Variants in GPHN observed in about 807,000 individuals in gnomAD.
GPHN encodes gephyrin.
In GPHN, 17 loss-of-function variants were observed where a neutral mutation model predicts 95.5. The observed-to-expected ratio is 0.18, with a 90% CI of 0.12 to 0.27. The LOEUF (loss-of-function observed/expected upper bound fraction) is 0.27. Among genes scored for constraint, GPHN ranks in the 10% least tolerant of loss-of-function variants. GPHN has a pLI of 1.00. For missense variants in GPHN, 660 were observed against 978.1 expected (o/e 0.67, Z 4.34); for synonymous variants, 320 against 322.5 (o/e 0.99, Z 0.08).
At chr14:67,244,825 A>G in the GPHN span, among the ~76,000 whole-genome samples, 1 of 152,222 alleles carries the variant, frequency 6.6e-6, no homozygotes, top group Non-Finnish European at 1.5e-5. Context: ...ACCTGTGAAT[A>G]TGTTTGCTTA....
chr14:67,209,383 TG>T, the GPHN span, among the ~76,000 whole-genome samples: 5 of 152,228 alleles, frequency 3.3e-5, no homozygotes, highest in African/African-American at 1.2e-4. Flanking sequence ...CAAGGCCATT[TG>T]AGCAGAGACC....
At chr14:66,774,063 G>A (rs932063933) in intron 2 of GPHN, among the ~76,000 whole-genome samples, 1 of 137,074 alleles carries the variant, frequency 7.3e-6, no homozygotes, top group Non-Finnish European at 1.5e-5. Flanking sequence ...GAGTGCAGTG[G>A]CTCAATCTCG....
the GPHN span, chr14:67,201,662 T>C: frequency 2.6e-6 from 1 of 391,700 alleles, no homozygotes; most frequent in Admixed American, 2.9e-5. Flanking sequence ...CAGGATTTAA[T>C]CCCTGAGCTG....
the GPHN span, among the ~76,000 whole-genome samples, chr14:67,638,211 A>G: frequency 2.0e-5 from 3 of 152,142 alleles, no homozygotes; most frequent in Non-Finnish European, 4.4e-5. Flanking sequence ...AACCTTACTT[A>G]AAATAATATT....
At chr14:67,583,324 A>T in the GPHN span, among the ~76,000 whole-genome samples, 1 of 152,216 alleles carries the variant, frequency 6.6e-6, no homozygotes, top group African/African-American at 2.4e-5. Flanking sequence ...GATCAGGGAC[A>T]CAAAGCTGGG....
chr14:67,673,215 G>A, the GPHN span, among the ~76,000 whole-genome samples: 2 of 152,086 alleles, frequency 1.3e-5, no homozygotes, highest in African/African-American at 2.4e-5. Context: ...GGGTGGTGGC[G>A]CAACTGTAAT....
chr14:67,709,006 T>C, the GPHN span, among the ~76,000 whole-genome samples: 1 of 152,198 alleles, frequency 6.6e-6, no homozygotes, highest in Non-Finnish European at 1.5e-5. Flanking sequence ...TTGGCCAGGA[T>C]GGTCTCGATC....
intron 1 of GPHN, among the ~76,000 whole-genome samples, chr14:66,534,260 G>A (rs2059052191): frequency 6.6e-6 from 1 of 152,110 alleles, no homozygotes; most frequent in African/African-American, 2.4e-5. Context: ...CACTCCAGAA[G>A]CCTCTCCTTC....
intron 1 of GPHN, among the ~76,000 whole-genome samples, chr14:66,676,670 G>GTTTTTT (rs1325206734): frequency 1.0e-5 from 1 of 100,298 alleles, no homozygotes; most frequent in Non-Finnish European, 1.8e-5. Context: ...CAATCGTAGT[G>GTTTTTT]TATTTTTTTT....
the GPHN span, among the ~76,000 whole-genome samples, chr14:67,317,138 TACAA>T: frequency 3.9e-5 from 6 of 152,220 alleles, no homozygotes; most frequent in Non-Finnish European, 7.3e-5. Flanking sequence ...ATAGTCTTTA[TACAA>T]ACAGTGTAAT....
chr14:67,407,467 G>T, the GPHN span, among the ~76,000 whole-genome samples: 1 of 151,502 alleles, frequency 6.6e-6, no homozygotes, highest in African/African-American at 2.4e-5. Flanking sequence ...TTGAGGCAGG[G>T]TCTCATTTGG....
At chr14:66,976,919 G>T (rs528549202) in intron 9 of GPHN, among the ~76,000 whole-genome samples, 2 of 140,010 alleles carry the variant, frequency 1.4e-5, no homozygotes, top group African/African-American at 2.7e-5. Flanking sequence ...AATATGTGGG[G>T]GGGGGGGGAG....
chr14:66,748,235 A>T (rs900367480), intron 2 of GPHN, among the ~76,000 whole-genome samples: 1 of 152,132 alleles, frequency 6.6e-6, no homozygotes, highest in African/African-American at 2.4e-5. Flanking sequence ...TATAGTACTT[A>T]TTAATAAACT....
the GPHN span, chr14:67,473,609 G>A: frequency 1.2e-5 from 19 of 1,599,286 alleles, no homozygotes; most frequent in Admixed American, 3.4e-4. This position sits in a 1 kb window ranked among gnomAD's most constrained non-coding sequence, Gnocchi z 6.5. Flanking sequence ...CGAACTGGGA[G>A]TAGTCCCAGG....
the GPHN span, among the ~76,000 whole-genome samples, chr14:67,435,951 A>T: frequency 6.6e-6 from 1 of 152,212 alleles, no homozygotes; most frequent in Non-Finnish European, 1.5e-5. Context: ...CGGATGGTTA[A>T]GTATTTGCTT....
chr14:66,973,799 G>A (rs969083206), intron 9 of GPHN, among the ~76,000 whole-genome samples: 1 of 152,108 alleles, frequency 6.6e-6, no homozygotes, highest in Non-Finnish European at 1.5e-5. Flanking sequence ...TAACCTGGTT[G>A]TTGGCAGATA....
At chr14:67,521,842 C>T in the GPHN span, among the ~76,000 whole-genome samples, 1 of 152,230 alleles carries the variant, frequency 6.6e-6, no homozygotes, top group Non-Finnish European at 1.5e-5. Flanking sequence ...ATGGGTTTAA[C>T]TGTGATCGTA....
At chr14:67,109,258 A>G (rs750936440) in intron 13 of GPHN, among the ~76,000 whole-genome samples, 7 of 152,192 alleles carry the variant, frequency 4.6e-5, no homozygotes, top group Non-Finnish European at 1.0e-4. Flanking sequence ...TTAGAAAGGA[A>G]TCTTTTGGCA....
At chr14:67,686,892 G>A in the GPHN span, among the ~76,000 whole-genome samples, 1,373 of 152,184 alleles carry the variant, frequency 9.0e-3, 65 homozygotes, top group Admixed American at 0.076. Context: ...GAATTTTTCT[G>A]GTCTTTGTGG....
Sources: allele counts gnomAD v4.1 joint callset (sites outside exome capture counted in the v4.1 genomes callset), GRCh38; gene constraint gnomAD v4.1.1; non-coding constraint Gnocchi (gnomAD v3.1); transcripts MANE v1.5; gene names NCBI Gene and HGNC (gene_info 2026-07-23, HGNC 2026-07-21).